Variants in TLE3 observed in about 807,000 individuals in gnomAD.
The protein encoded by TLE3 is transducin-like enhancer protein 3.
TLE3 carries 14 observed loss-of-function variants against 93.0 expected under a neutral mutation model. The observed-to-expected ratio is 0.15, with a 90% CI of 0.10 to 0.24. The LOEUF (loss-of-function observed/expected upper bound fraction) is 0.24, where lower values mean the gene tolerates loss of function less well. Ranked by LOEUF, TLE3 falls within the 10% of genes least tolerant of loss-of-function variation. The pLI is 1.00. For synonymous variants in TLE3, 451 were observed against 425.0 expected (o/e 1.06, Z -0.75); for missense variants, 693 against 1,046.6 (o/e 0.66, Z 4.66).
chr15:70,068,801 C>A (rs1362027362), intron 6 of TLE3, among the ~76,000 whole-genome samples: 2 of 152,252 alleles, frequency 1.3e-5, no homozygotes, highest in Non-Finnish European at 2.9e-5. Flanking sequence ...CTAGGCTCAG[C>A]TTTGCCCAGT....
At chr15:70,061,566 G>A (rs987313747) in intron 8 of TLE3, among the ~76,000 whole-genome samples, 2 of 152,168 alleles carry the variant, frequency 1.3e-5, no homozygotes, top group African/African-American at 2.4e-5. Flanking sequence ...TGTTACCACC[G>A]AGCTGGGGAG....
In TLE3 at chr15:70,048,202, C is replaced by G. The variant is rs899251484; in HGVS notation, c.*1895G>C. On this transcript the variant is annotated 3_prime_UTR_variant, in exon 20 of 20. Transcript: ENST00000451782. Reference sequence around the variant, plus strand: ...AGGCAATTAAGACGCAACAATCAAACCAACCTTTAAATAGTAACTTTTAAA... The same window carrying G: ...AGGCAATTAAGACGCAACAATCAAAGCAACCTTTAAATAGTAACTTTTAAA... 1 of 152,220 alleles carries G rather than the reference C, an allele frequency of 6.6e-6. No homozygotes were observed. Among genetic ancestry groups the G allele is most frequent in the Non-Finnish European group, 1.5e-5 (1 of 68,046 alleles). The allele number at this position is 152,220 out of a possible 1,614,324, so 9.4% of individuals were successfully genotyped here. A position where few individuals can be genotyped will look rare whatever the true frequency, so the allele number is the denominator to read the frequency against.
rs377641820 is a variant in TLE3, at chr15:70,074,554, C to T, written c.351G>A (p.Thr117=). The T allele has an allele frequency of 2.2e-5, 35 of 1,612,618 alleles. No homozygotes were observed. The highest frequency in any genetic ancestry group is 2.5e-5 in the Non-Finnish European group (29 of 1,179,458). The part of the protein sequence containing the change: ...AVERAKQVTM[T]ELNAIIGQQQ... ...GTACCCCGATGATGGCGTTCAGCTC[C>T]GTCATGGTGACCTGCTTGGCGCGCT... Residue 117 remains threonine, a synonymous_variant, in exon 6 of 20, where the codon ACG becomes ACA. Coordinates refer to ENST00000451782, the MANE Select transcript of TLE3 (RefSeq NM_001105192.3).
At chr15:70,056,406 G>C in intron 13 of TLE3, 32 bp from the exon 14 acceptor site, 1 of 1,597,360 alleles carries the variant, frequency 6.3e-7, no homozygotes, top group Non-Finnish European at 8.6e-7. Flanking sequence ...CCCTCCATCA[G>C]CCGTGCTGCC....
intron 7 of TLE3, among the ~76,000 whole-genome samples, chr15:70,064,692 C>CAA (rs2056704180): frequency 6.6e-6 from 1 of 152,098 alleles, no homozygotes; most frequent in African/African-American, 2.4e-5. Context: ...ACCCAAATTC[C>CAA]AATGCTGCCC....
intron 6 of TLE3, among the ~76,000 whole-genome samples, chr15:70,073,626 G>A (rs552722848): frequency 2.0e-5 from 3 of 152,316 alleles, no homozygotes; most frequent in East Asian, 3.9e-4. Context: ...TATCTGTACC[G>A]TCCAGAAGCT....
chr15:70,076,293 C>G, intron 4 of TLE3, 135 bp from the exon 5 acceptor site: 1 of 753,022 alleles, frequency 1.3e-6, no homozygotes, highest in Non-Finnish European at 2.3e-6. Flanking sequence ...TGCCCTCAGT[C>G]AGCCTCCTAC....
In TLE3 at chr15:70,094,596, C is replaced by T; in HGVS notation, c.190-20G>A. ...ATAGTACTAAAAGTAAAAAGAATGG[C>T]TATTAACAGACAACACAGAAATCTG... On this transcript the variant is annotated intron_variant, in intron 3 of 19. Coordinates refer to ENST00000451782, the MANE Select transcript of TLE3 (RefSeq NM_001105192.3). 5.3e-6 allele frequency: 8 copies of T among 1,521,214 alleles called. No homozygotes were observed. The highest frequency in any genetic ancestry group is 7.1e-6 in the Non-Finnish European group (8 of 1,131,564). 94.2% of individuals were successfully genotyped at this position (1,521,214 alleles called of 1,614,324 possible).
chr15:70,089,521 CT>C (rs2058200417), intron 4 of TLE3, among the ~76,000 whole-genome samples: 1 of 152,158 alleles, frequency 6.6e-6, no homozygotes, highest in Non-Finnish European at 1.5e-5. Flanking sequence ...TCCCCACTTC[CT>C]ACTCACAGGG....
chr15:70,091,959 CAG>C (rs886117109), intron 4 of TLE3, among the ~76,000 whole-genome samples: 2 of 152,042 alleles, frequency 1.3e-5, no homozygotes, highest in African/African-American at 4.8e-5. Flanking sequence ...TATAAAAGTA[CAG>C]ACAGTCCCCA....
At chr15:70,079,658 A>C (rs1342452957) in intron 4 of TLE3, among the ~76,000 whole-genome samples, 2 of 151,904 alleles carry the variant, frequency 1.3e-5, no homozygotes, top group Non-Finnish European at 2.9e-5. Flanking sequence ...CTGTTCGCTC[A>C]ACATTTTAAA....
intron 14 of TLE3, 90 bp downstream of exon 14, chr15:70,056,208 C>T: frequency 7.2e-7 from 1 of 1,387,592 alleles, no homozygotes; most frequent in Non-Finnish European, 1.0e-6. Flanking sequence ...AACCCTTGGT[C>T]AGGGGATGAG....
intron 4 of TLE3, among the ~76,000 whole-genome samples, chr15:70,086,823 T>C (rs1448959121): frequency 6.6e-6 from 1 of 151,770 alleles, no homozygotes; most frequent in Non-Finnish European, 1.5e-5. Context: ...TCCGCATCTC[T>C]GCTTTGTCAT....
intron 6 of TLE3, among the ~76,000 whole-genome samples, chr15:70,070,297 A>AAG (rs1410073744): frequency 6.6e-6 from 1 of 152,240 alleles, no homozygotes; most frequent in Admixed American, 6.5e-5. Context: ...GGTTGAAGGG[A>AAG]AGATCTTGCT....
chr15:70,049,774 GAACA>G lies in TLE3; in HGVS notation c.*319_*322del, dbSNP rs923121294. 24 of 250,218 alleles carry G rather than the reference GAACA, an allele frequency of 9.6e-5. No homozygotes were observed. In the East Asian group the frequency reaches 1.1e-3, roughly 11 times the overall value. The allele number at this position is 250,218 out of a possible 1,614,324, so 15.5% of individuals were successfully genotyped here. A position where few individuals can be genotyped will look rare whatever the true frequency, so the allele number is the denominator to read the frequency against. ...AGGGACAGGGCAAAAGAAAAGGGAAGAACAAACAGAGACTCATGAGCGGGTCTGT... is the reference window on the plus strand; with the variant it reads ...AGGGACAGGGCAAAAGAAAAGGGAAGAACAGAGACTCATGAGCGGGTCTGT... On this transcript the variant is annotated 3_prime_UTR_variant, in exon 20 of 20. Transcript: ENST00000451782.
chr15:70,067,645 A>G (rs920352376), intron 6 of TLE3, among the ~76,000 whole-genome samples: 1 of 152,234 alleles, frequency 6.6e-6, no homozygotes, highest in African/African-American at 2.4e-5. Context: ...CCGCGAACAG[A>G]TAACAGAACA....
chr15:70,083,883 A>G (rs2057914067), intron 4 of TLE3, among the ~76,000 whole-genome samples: 1 of 152,106 alleles, frequency 6.6e-6, no homozygotes, highest in Non-Finnish European at 1.5e-5. Flanking sequence ...GCAGAGACAG[A>G]GCCCCATTCT....
At chr15:70,091,373 C>A (rs1361610449) in intron 4 of TLE3, among the ~76,000 whole-genome samples, 6 of 152,228 alleles carry the variant, frequency 3.9e-5, no homozygotes, top group Non-Finnish European at 8.8e-5. Context: ...TGCTCTGGGG[C>A]CCCTGGTTTT....
At chr15:70,054,389 T>G (rs1421406340) in intron 16 of TLE3, 49 bp downstream of exon 16, 1 of 1,576,548 alleles carries the variant, frequency 6.3e-7, no homozygotes, top group South Asian at 1.2e-5. Flanking sequence ...GCAGGATGGG[T>G]AAAAACTTCC....
Sources: gnomAD v4.1 joint callset for allele counts (sites outside exome capture counted in the v4.1 genomes callset) on GRCh38, gnomAD v4.1.1 for gene constraint, MANE v1.5 for transcripts, NCBI Gene and HGNC (gene_info 2026-07-23, HGNC 2026-07-21) for gene names.